The following RBMS3 variants were observed in gnomAD, a reference collection of about 807,000 sequenced individuals.
RBMS3 encodes RNA binding motif single stranded interacting protein 3, also known as RNA-binding motif, single-stranded-interacting protein 3.
A neutral mutation model predicts 66.8 loss-of-function variants in RBMS3; 27 were observed. That is an observed-to-expected ratio of 0.40 (90% CI 0.30 to 0.56). The LOEUF (loss-of-function observed/expected upper bound fraction) is 0.56, where lower values mean the gene tolerates loss of function less well. Ranked by LOEUF, RBMS3 falls within the 20% of genes least tolerant of loss-of-function variation. RBMS3 has a pLI of 0.40. For missense variants in RBMS3, 513 were observed against 549.5 expected (o/e 0.93, Z 0.66); for synonymous variants, 188 against 183.0 (o/e 1.03, Z -0.22).
chr3:29,571,378 G>A (rs2046947997), intron 3 of RBMS3, among the ~76,000 whole-genome samples: 1 of 151,746 alleles, frequency 6.6e-6, no homozygotes, highest in African/African-American at 2.4e-5. Flanking sequence ...TTTCTCCAAT[G>A]TTTTCTTTTA....
At chr3:29,488,707 A>G (rs2043415227) in intron 3 of RBMS3, among the ~76,000 whole-genome samples, 2 of 152,226 alleles carry the variant, frequency 1.3e-5, no homozygotes, top group East Asian at 1.9e-4. Flanking sequence ...TGAAAATCAC[A>G]AATCAGAACA....
At chr3:29,404,683 T>C (rs1173424940) in intron 1 of RBMS3, among the ~76,000 whole-genome samples, 1 of 152,080 alleles carries the variant, frequency 6.6e-6, no homozygotes, top group Non-Finnish European at 1.5e-5. Flanking sequence ...AGGATAATCA[T>C]GATGAGTTAG....
chr3:29,919,370 C>T (rs187559243), intron 10 of RBMS3, among the ~76,000 whole-genome samples: 125 of 152,228 alleles, frequency 8.2e-4, no homozygotes, highest in African/African-American at 2.9e-3. Context: ...AAAAGAATTT[C>T]TCATAAAAGA....
At chr3:29,434,412 T>A (rs576155042) in intron 1 of RBMS3, among the ~76,000 whole-genome samples, 7 of 152,150 alleles carry the variant, frequency 4.6e-5, no homozygotes, top group African/African-American at 1.7e-4. Flanking sequence ...GTGACTGTTT[T>A]ATTTTATTAG....
At chr3:29,483,593 CACTT>C (rs1435963706) in intron 2 of RBMS3, among the ~76,000 whole-genome samples, 1 of 152,134 alleles carries the variant, frequency 6.6e-6, no homozygotes, top group African/African-American at 2.4e-5. Flanking sequence ...CATGGAGAAC[CACTT>C]ACTTTGAGTA....
intron 10 of RBMS3, among the ~76,000 whole-genome samples, chr3:29,906,557 G>C (rs1401778478): frequency 6.6e-6 from 1 of 151,836 alleles, no homozygotes; most frequent in African/African-American, 2.4e-5. Flanking sequence ...ATATTCTTCG[G>C]CATTGCAATT....
intron 3 of RBMS3, among the ~76,000 whole-genome samples, chr3:29,542,612 T>G (rs1576174157): frequency 6.6e-6 from 1 of 152,256 alleles, no homozygotes; most frequent in East Asian, 1.9e-4. Flanking sequence ...CTGCCTGCCT[T>G]GGCCTTCCAA....
intron 1 of RBMS3, among the ~76,000 whole-genome samples, chr3:29,321,063 T>A (rs759910298): frequency 2.6e-5 from 4 of 152,076 alleles, no homozygotes; most frequent in Non-Finnish European, 4.4e-5. Context: ...AAATGACCCA[T>A]ACATCACCTG....
At chr3:29,304,446 C>A (rs2033881771) in intron 1 of RBMS3, among the ~76,000 whole-genome samples, 1 of 151,936 alleles carries the variant, frequency 6.6e-6, no homozygotes, top group Non-Finnish European at 1.5e-5. Context: ...GCTTCCTCTG[C>A]CTTCTTTAGA....
rs952810456 is a variant in RBMS3 at position 29,500,820 on chromosome 3, A to G, written c.307+12321A>G. ...GTGATGCATGACTGTATATAATTAC[A>G]TGTGTATGTCAGTACATCTGTGTGT... On this transcript the variant is annotated intron_variant, in intron 3 of 14. Coordinates refer to ENST00000383767, the MANE Select transcript of RBMS3 (RefSeq NM_001003793.3). Among the ~76,000 whole-genome samples, 36 of 151,276 alleles carry G rather than the reference A, an allele frequency of 2.4e-4. 1 individual carries two copies. Among genetic ancestry groups the G allele is most frequent in the Admixed American group, 1.8e-3 (27 of 15,118 alleles).
At chr3:29,870,010 C>T (rs2059451453) in intron 7 of RBMS3, among the ~76,000 whole-genome samples, 1 of 152,076 alleles carries the variant, frequency 6.6e-6, no homozygotes, top group Non-Finnish European at 1.5e-5. Context: ...TGTTTCCATG[C>T]AGGTCTCAAA....
At chr3:29,595,397 TAAAAAAAAAAAA>T (rs551487113) in intron 4 of RBMS3, among the ~76,000 whole-genome samples, 4 of 99,946 alleles carry the variant, frequency 4.0e-5, no homozygotes, top group African/African-American at 1.4e-4. Flanking sequence ...AGAGTCAGTC[TAAAAAAAAAAAA>T]AAAAAAGAAA....
chr3:29,543,953 TG>T (rs2045858187), intron 3 of RBMS3, among the ~76,000 whole-genome samples: 1 of 152,162 alleles, frequency 6.6e-6, no homozygotes, highest in East Asian at 1.9e-4. Context: ...AGAAGGAGAT[TG>T]GTATCAAATA....
Position 29,604,509 on chromosome 3 carries a change from G to T in RBMS3, c.399+17304G>T, listed in dbSNP as rs2048256392. The stretch of plus-strand genomic sequence containing the variant: ...CTTCCTATAGAGTTCTGCACATGGT[G>T]GGCTCTCGGATTTTTATTGAATGTC... On this transcript the variant is annotated intron_variant, in intron 4 of 14. Transcript: ENST00000383767. Among the ~76,000 whole-genome samples, 3 of 152,000 alleles carry T rather than the reference G, an allele frequency of 2.0e-5. No homozygotes were observed. In the South Asian group the frequency reaches 6.2e-4, roughly 32 times the overall value.
intron 2 of RBMS3, among the ~76,000 whole-genome samples, chr3:29,472,194 A>AT (rs11326167): frequency 0.014 from 1,944 of 139,938 alleles, 34 homozygotes; most frequent in African/African-American, 0.041. Context: ...GCCTCTTCTA[A>AT]TTTTTTTTTT....
At chr3:29,607,780 A>G (rs2048361750) in intron 4 of RBMS3, among the ~76,000 whole-genome samples, 1 of 152,138 alleles carries the variant, frequency 6.6e-6, no homozygotes, top group Non-Finnish European at 1.5e-5. Flanking sequence ...CAATCAGAAC[A>G]TATTACAACA....
intron 4 of RBMS3, among the ~76,000 whole-genome samples, chr3:29,668,315 C>G (rs918391245): frequency 6.6e-6 from 1 of 152,220 alleles, no homozygotes; most frequent in Non-Finnish European, 1.5e-5. Flanking sequence ...ACATACCTGT[C>G]TAACACTGCT....
chr3:29,606,797 A>T (rs1484274052), intron 4 of RBMS3, among the ~76,000 whole-genome samples: 2 of 151,996 alleles, frequency 1.3e-5, no homozygotes, highest in African/African-American at 4.8e-5. Flanking sequence ...AATGTTGCCC[A>T]TGCCAATGTT....
intron 1 of RBMS3, among the ~76,000 whole-genome samples, chr3:29,428,939 G>T (rs1160985593): frequency 6.6e-6 from 1 of 152,192 alleles, no homozygotes; most frequent in Non-Finnish European, 1.5e-5. Context: ...TTGACTGTCT[G>T]CTGTTTATCA....
Sources: allele counts gnomAD v4.1 joint callset (sites outside exome capture counted in the v4.1 genomes callset), GRCh38; gene constraint gnomAD v4.1.1; transcripts MANE v1.5; gene names NCBI Gene and HGNC (gene_info 2026-07-23, HGNC 2026-07-21).